ABCC3: variants seen among roughly 807,000 people sequenced by gnomAD.
ABCC3 encodes ATP-binding cassette sub-family C member 3.
In ABCC3, 121 loss-of-function variants were observed where a neutral mutation model predicts 165.3. The ratio of observed to expected loss-of-function variants is 0.73; its 90% CI spans 0.63 to 0.85. The LOEUF is 0.85. Ranked by LOEUF, ABCC3 falls within the 40% of genes least tolerant of loss-of-function variation. The pLI is 0.00. For synonymous variants in ABCC3, 733 were observed against 810.1 expected (o/e 0.90, Z 1.62); for missense variants, 1,869 against 1,964.1 (o/e 0.95, Z 0.92).
chr17:50,657,131 T>C lies in ABCC3; in HGVS notation c.434T>C (p.Val145Ala), dbSNP rs34924566. 1.7e-4 allele frequency: 281 copies of C among 1,614,160 alleles called. 1 individual carries two copies. In the African/African-American group the frequency reaches 3.3e-3, roughly 19 times the overall value. The change falls in exon 4 of 31, where the codon GTG becomes GCG. Residue 145 changes from valine to alanine, a missense_variant. By Grantham distance (64) the Val-to-Ala change is moderately conservative (BLOSUM62 0). Coordinates refer to ENST00000285238, the MANE Select transcript of ABCC3 (RefSeq NM_003786.4). ...GVLIIFWFLC[V>A]VCAIVPFRSK... Reference sequence around the variant, plus strand: ...CTCATTATCTTCTGGTTCCTGTGTGTGGTCTGCGCCATCGTCCCATTCCGC... The same window carrying C: ...CTCATTATCTTCTGGTTCCTGTGTGCGGTCTGCGCCATCGTCCCATTCCGC...
At chr17:50,671,113 G>A (rs1325188059) in intron 17 of ABCC3, among the ~76,000 whole-genome samples, 11 of 152,086 alleles carry the variant, frequency 7.2e-5, no homozygotes, top group South Asian at 2.1e-4. Flanking sequence ...CAAATTAGCC[G>A]AGTGTGATGG....
intron 8 of ABCC3, 24 bp from the exon 9 acceptor site, chr17:50,663,657 C>G (rs1460814599): frequency 9.3e-6 from 15 of 1,612,828 alleles, no homozygotes; most frequent in Non-Finnish European, 1.3e-5. Context: ...CACTGCCCAC[C>G]TCACTCCTCT....
intron 1 of ABCC3, among the ~76,000 whole-genome samples, chr17:50,636,651 T>G (rs1016416330): frequency 2.4e-4 from 37 of 152,086 alleles, no homozygotes; most frequent in African/African-American, 8.7e-4. Context: ...ATCAAGAGGG[T>G]AGTTGTGCCC....
intron 1 of ABCC3, among the ~76,000 whole-genome samples, chr17:50,636,393 A>G (rs1434471050): frequency 1.3e-5 from 2 of 151,852 alleles, no homozygotes; most frequent in African/African-American, 4.8e-5. Context: ...GTAAAAAGGC[A>G]TATTTGGGAT....
In ABCC3 at chr17:50,677,811, C is replaced by A; in HGVS notation, c.3446C>A (p.Ser1149Tyr). Residue 1149 changes from serine (S) to tyrosine (Y), a missense_variant, in exon 24 of 31, where the codon TCC becomes TAC. By Grantham distance (144) the Ser-to-Tyr change is moderately radical. Coordinates refer to ENST00000285238, the MANE Select transcript of ABCC3 (RefSeq NM_003786.4). ...TCAGTCAGCCGCTCACCTATCTACT[C>A]CCACTTTTCGGAGACAGTGACTGGT... ...LESVSRSPIY[S>Y]HFSETVTGAS... The A allele has an allele frequency of 6.2e-7, 1 of 1,614,132 alleles. No individual in the cohort carries two copies. Among genetic ancestry groups the A allele is most frequent in the Non-Finnish European group, 8.5e-7 (1 of 1,180,022 alleles).
At chr17:50,676,189 C>A in intron 22 of ABCC3, 89 bp from the exon 23 acceptor site, 1 of 1,589,140 alleles carries the variant, frequency 6.3e-7, no homozygotes, top group Non-Finnish European at 8.6e-7. Flanking sequence ...CCTCCCTAAC[C>A]CACTCTGGTC....
In ABCC3 at chr17:50,671,337, G is replaced by A. The variant is rs182096971; in HGVS notation, c.2242-1634G>A. Among the ~76,000 whole-genome samples, 97 of 151,544 alleles carry A rather than the reference G, an allele frequency of 6.4e-4. 1 individual carries two copies. The highest frequency in any genetic ancestry group is 2.3e-3 in the African/African-American group (95 of 41,310). On this transcript the variant is annotated intron_variant, in intron 17 of 30. Coordinates refer to ENST00000285238, the MANE Select transcript of ABCC3 (RefSeq NM_003786.4). ...CAATGTTAAGTACATTTACATTGCT[G>A]TGCAACCGATCTCCAGAACCTTTTC...
At chr17:50,635,632 C>T in intron 1 of ABCC3, 3 of 701,432 alleles carry the variant, frequency 4.3e-6, no homozygotes, top group East Asian at 2.7e-5. Flanking sequence ...TGTAGTCCAA[C>T]TCCCTTCTCA....
chr17:50,680,012 C>A, intron 26 of ABCC3, 113 bp downstream of exon 26: 1 of 723,144 alleles, frequency 1.4e-6, no homozygotes, highest in Non-Finnish European at 2.4e-6. Context: ...GCTCTTCATT[C>A]ATTTACCCAT....
intron 7 of ABCC3, among the ~76,000 whole-genome samples, chr17:50,659,901 A>G (rs976694708): frequency 6.6e-6 from 1 of 152,186 alleles, no homozygotes; most frequent in African/African-American, 2.4e-5. Context: ...TGGGAGGATC[A>G]TTTGAGCCCA....
At chr17:50,648,837 G>A (rs778453254) in intron 1 of ABCC3, among the ~76,000 whole-genome samples, 8 of 152,166 alleles carry the variant, frequency 5.3e-5, no homozygotes, top group Non-Finnish European at 8.8e-5. Flanking sequence ...ACCACAGGTC[G>A]GGTGCAGTGA....
At chr17:50,653,699 G>A (rs186864296) in intron 1 of ABCC3, among the ~76,000 whole-genome samples, 2 of 151,288 alleles carry the variant, frequency 1.3e-5, no homozygotes, top group Admixed American at 1.3e-4. Context: ...GTTGCAGTGA[G>A]CCAAGATCAC....
rs1237729954 is a variant in ABCC3 at position 50,660,926 on chromosome 17, C to G, written c.810C>G (p.His270Gln). The change falls in exon 8 of 31, where the codon CAC becomes CAG. Residue 270 changes from histidine to glutamine, a missense_variant. His to Gln is a conservative substitution (Grantham distance 24). Coordinates refer to ENST00000285238, the MANE Select transcript of ABCC3 (RefSeq NM_003786.4). ...WRKQEKQTARHKASAAPGKNA... is the reference protein window; with the variant it reads ...WRKQEKQTARQKASAAPGKNA... ...TGCTCCTTCCTCCCTGGACCAGACA[C>G]AAGGCTTCAGCAGCACCTGGGAAAA... 1.4e-5 allele frequency: 23 copies of G among 1,596,132 alleles called. No individual in the cohort carries two copies. The highest frequency in any genetic ancestry group is 1.9e-5 in the Non-Finnish European group (22 of 1,171,840).
At chr17:50,687,496 G>C (rs769742684) in intron 29 of ABCC3, 40 bp from the exon 30 acceptor site, 8 of 1,594,810 alleles carry the variant, frequency 5.0e-6, no homozygotes, top group Non-Finnish European at 5.1e-6. Context: ...AGGCAGGTGG[G>C]AGGCCCCCAG....
At position 50,649,666 on chromosome 17, in the gene ABCC3, AGAAG is replaced by A. The variant is rs1463912648; in HGVS notation, c.46-6160_46-6157del. Among the ~76,000 whole-genome samples the A allele has an allele frequency of 3.7e-5, 5 of 135,852 alleles. No individual in the cohort carries two copies. In the East Asian group the frequency reaches 1.0e-3, roughly 28 times the overall value. The allele number at this position is 135,852 out of a possible 152,430, so 89.1% of individuals were successfully genotyped here. On this transcript the variant is annotated intron_variant, in intron 1 of 30. Transcript: ENST00000285238. ...AGGAAAGGAGAAAGGAAGGAAGGAAAGAAGGAAGGGAGGGAGGGAAGGGAAGGAG... is the reference window on the plus strand; with the variant it reads ...AGGAAAGGAGAAAGGAAGGAAGGAAAGAAGGGAGGGAGGGAAGGGAAGGAG...
At chr17:50,656,986 A>G in intron 3 of ABCC3, 60 bp from the exon 4 acceptor site, 2 of 1,571,236 alleles carry the variant, frequency 1.3e-6, no homozygotes, top group Non-Finnish European at 1.7e-6. Flanking sequence ...GGATGGGGAG[A>G]AATGGAGGCA....
At chr17:50,636,753 A>G (rs1598901497) in intron 1 of ABCC3, among the ~76,000 whole-genome samples, 1 of 152,232 alleles carries the variant, frequency 6.6e-6, no homozygotes, top group Non-Finnish European at 1.5e-5. Context: ...TGGACCCCAG[A>G]GTTGGGAAAT....
At chr17:50,681,880 G>C (rs889076902) in intron 26 of ABCC3, among the ~76,000 whole-genome samples, 1 of 152,064 alleles carries the variant, frequency 6.6e-6, no homozygotes, top group Non-Finnish European at 1.5e-5. Context: ...CCCCAGCCTG[G>C]CTTCCCCAGG....
chr17:50,676,201 A>G (rs1967802334), intron 22 of ABCC3, 77 bp from the exon 23 acceptor site: 7 of 1,587,728 alleles, frequency 4.4e-6, no homozygotes, highest in Admixed American at 1.7e-5. Context: ...ACTCTGGTCA[A>G]CCCGTGTCTC....
Sources: allele counts gnomAD v4.1 joint callset (sites outside exome capture counted in the v4.1 genomes callset), GRCh38; gene constraint gnomAD v4.1.1; transcripts MANE v1.5; gene names NCBI Gene and HGNC (gene_info 2026-07-23, HGNC 2026-07-21).